The following GSAP variants were observed in gnomAD, a reference collection of about 807,000 sequenced individuals.
GSAP encodes gamma-secretase activating protein, also known as gamma-secretase-activating protein.
Under a neutral mutation model 131.7 loss-of-function variants are expected in GSAP, and 118 were observed. The observed-to-expected ratio is 0.90, with a 90% confidence interval of 0.77 to 1.04. GSAP has a LOEUF of 1.04. Among genes scored for constraint, GSAP ranks in the 50% least tolerant of loss-of-function variants. GSAP has a pLI of 0.00. For synonymous variants in GSAP, 381 were observed against 363.4 expected (o/e 1.05, Z -0.55); for missense variants, 1,019 against 1,013.2 (o/e 1.01, Z -0.08).
intron 5 of GSAP, among the ~76,000 whole-genome samples, chr7:77,390,946 TAAAAAAAAA>T (rs71085453): frequency 5.5e-4 from 21 of 37,942 alleles, no homozygotes; most frequent in Middle Eastern, 0.014. Context: ...AGACTCCGTC[TAAAAAAAAA>T]AAAAAAAAAA....
At chr7:77,325,467 T>C (rs1788200320) in intron 23 of GSAP, among the ~76,000 whole-genome samples, 1 of 152,240 alleles carries the variant, frequency 6.6e-6, no homozygotes, top group African/African-American at 2.4e-5. Flanking sequence ...TATTTACAAA[T>C]TCTGCTTTTC....
chr7:77,406,138 G>GGTT, intron 1 of GSAP, 33 bp from the exon 2 acceptor site: 1 of 1,165,092 alleles, frequency 8.6e-7, no homozygotes, highest in Non-Finnish European at 1.1e-6. Context: ...ATACTCAGCA[G>GGTT]AAGATGGTTA....
rs1239244538 is a variant in GSAP at position 77,377,410 on chromosome 7, A to G, written c.577-20T>C. The G allele has an allele frequency of 6.5e-7, 1 of 1,547,718 alleles. No individual in the cohort carries two copies. The highest frequency in any genetic ancestry group is 8.6e-7 in the Non-Finnish European group (1 of 1,156,078). On this transcript the variant is annotated intron_variant, in intron 8 of 30. Transcript: ENST00000257626. ...AATCACCTAAAAATGCAAAAAAAAAAAAAAAAAAAAAAGTATGAATAACTT... is the reference window on the plus strand; with the variant it reads ...AATCACCTAAAAATGCAAAAAAAAAGAAAAAAAAAAAAGTATGAATAACTT...
intron 6 of GSAP, among the ~76,000 whole-genome samples, chr7:77,385,935 C>T (rs972727754): frequency 2.0e-5 from 3 of 152,144 alleles, no homozygotes; most frequent in African/African-American, 7.2e-5. Flanking sequence ...TGAAATTAGG[C>T]GAAAGGAAAT....
chr7:77,362,623 A>G lies in GSAP; in HGVS notation c.909T>C (p.Ser303=). The G allele has an allele frequency of 6.3e-7, 1 of 1,587,160 alleles. No homozygotes were observed. The highest frequency in any genetic ancestry group is 2.2e-5 in the East Asian group (1 of 44,772). Reference sequence around the variant, plus strand: ...ACACTGAATATGTGATTTGTCCCCAAGAGGCACACTTCGGGCTGTAACATA... The same window carrying G: ...ACACTGAATATGTGATTTGTCCCCAGGAGGCACACTTCGGGCTGTAACATA... The part of the protein sequence containing the change: ...LCVCYSPKCA[S]WGQITYSVFY... Residue 303 remains serine, a synonymous_variant, in exon 13 of 31, where the codon TCT becomes TCC. Coordinates refer to ENST00000257626, the MANE Select transcript of GSAP (RefSeq NM_017439.4).
At chr7:77,376,502 G>A (rs556439803) in intron 10 of GSAP, among the ~76,000 whole-genome samples, 30 of 152,252 alleles carry the variant, frequency 2.0e-4, no homozygotes, top group African/African-American at 6.7e-4. Flanking sequence ...TAGGCTGGGC[G>A]CAGTGGCTCA....
intron 4 of GSAP, 127 bp from the exon 5 acceptor site, chr7:77,397,162 C>A: frequency 1.4e-6 from 1 of 701,676 alleles, no homozygotes; most frequent in Non-Finnish European, 2.4e-6. Context: ...GGGCAGAACA[C>A]AAAGCATTCT....
intron 18 of GSAP, chr7:77,351,245 A>AT: frequency 1.0e-6 from 1 of 976,244 alleles, no homozygotes; most frequent in Non-Finnish European, 1.2e-6. Flanking sequence ...TTAAAATTTC[A>AT]TTACAGTTTT....
chr7:77,390,657 G>A (rs1026910119), intron 5 of GSAP, among the ~76,000 whole-genome samples: 6 of 152,082 alleles, frequency 3.9e-5, no homozygotes, highest in East Asian at 1.9e-4. Context: ...TAAGCTAAAT[G>A]ACGAGTTAAT....
intron 12 of GSAP, among the ~76,000 whole-genome samples, chr7:77,372,705 C>T (rs374160309): frequency 2.6e-5 from 4 of 152,148 alleles, no homozygotes; most frequent in Non-Finnish European, 5.9e-5. Context: ...AACTTTACAG[C>T]GAGCTTGCGC....
Position 77,342,582 on chromosome 7 carries a change from T to A in GSAP, c.1545+6769A>T, listed in dbSNP as rs201215511. ...CTCCCCTTGTATCTCCCCACCTTAA[T>A]CCACAAGTATAGGACATCTCTACTC... On this transcript the variant is annotated intron_variant, in intron 19 of 30. Transcript: ENST00000257626. Among the ~76,000 whole-genome samples the A allele has an allele frequency of 1.7e-4, 26 of 152,078 alleles. No individual in the cohort carries two copies. In the East Asian group the frequency reaches 3.7e-3, roughly 22 times the overall value.
chr7:77,384,376 CTAT>C (rs893227807), intron 6 of GSAP, among the ~76,000 whole-genome samples: 34 of 152,236 alleles, frequency 2.2e-4, no homozygotes, highest in African/African-American at 8.2e-4. Flanking sequence ...GTTTTTCTTT[CTAT>C]TATAAGGTGG....
chr7:77,381,419 T>C, intron 7 of GSAP, 65 bp from the exon 8 acceptor site: 1 of 760,356 alleles, frequency 1.3e-6, no homozygotes, highest in Non-Finnish European at 2.1e-6. Context: ...TATTTTTGCC[T>C]AACTCTTGTA....
chr7:77,331,046 G>C (rs1242883695), intron 19 of GSAP, among the ~76,000 whole-genome samples: 1 of 152,194 alleles, frequency 6.6e-6, no homozygotes, highest in Non-Finnish European at 1.5e-5. Context: ...AGGTGCAGTG[G>C]CTCATGCCTG....
At chr7:77,332,813 T>G (rs1473692451) in intron 19 of GSAP, among the ~76,000 whole-genome samples, 1 of 152,094 alleles carries the variant, frequency 6.6e-6, no homozygotes, top group Non-Finnish European at 1.5e-5. Flanking sequence ...TTACAGATAT[T>G]AAGATAATAC....
intron 22 of GSAP, 188 bp from the exon 23 acceptor site, chr7:77,326,461 G>A (rs1584268291): frequency 2.0e-6 from 1 of 488,022 alleles, no homozygotes; most frequent in Non-Finnish European, 3.6e-6. Context: ...GTGAAACAGG[G>A]AATGACCGAG....
At chr7:77,376,143 C>T (rs909216969) in intron 10 of GSAP, among the ~76,000 whole-genome samples, 1 of 152,138 alleles carries the variant, frequency 6.6e-6, no homozygotes, top group Non-Finnish European at 1.5e-5. Context: ...TAACTTATAA[C>T]CCCTTAAAGC....
At chr7:77,398,628 G>C (rs530955020) in intron 3 of GSAP, among the ~76,000 whole-genome samples, 17 of 152,200 alleles carry the variant, frequency 1.1e-4, no homozygotes, top group African/African-American at 4.1e-4. Flanking sequence ...AAATATGCCA[G>C]GCATGGTGGC....
At chr7:77,357,436 G>A (rs751721555) in intron 14 of GSAP, among the ~76,000 whole-genome samples, 2 of 152,172 alleles carry the variant, frequency 1.3e-5, no homozygotes, top group Non-Finnish European at 2.9e-5. Context: ...GTCCTTATGA[G>A]AGGGAGATTT....
Sources: allele counts gnomAD v4.1 joint callset (sites outside exome capture counted in the v4.1 genomes callset), GRCh38; gene constraint gnomAD v4.1.1; transcripts MANE v1.5; gene names NCBI Gene and HGNC (gene_info 2026-07-23, HGNC 2026-07-21).